The following SNX29 variants were observed in gnomAD, a reference collection of about 807,000 sequenced individuals.
SNX29 encodes sorting nexin 29.
Under a neutral mutation model 102.1 loss-of-function variants are expected in SNX29, and 78 were observed. That is an observed-to-expected ratio of 0.76 (90% confidence interval 0.64 to 0.92). The LOEUF is 0.92. Ranked by LOEUF, SNX29 falls within the 40% of genes least tolerant of loss-of-function variation. The pLI is 0.00. For synonymous variants in SNX29, 580 were observed against 414.5 expected (o/e 1.40, Z -4.85); for missense variants, 1,280 against 1,061.7 (o/e 1.21, Z -2.86).
At chr16:12,433,773 G>A (rs969765421) in intron 18 of SNX29, among the ~76,000 whole-genome samples, 1 of 152,138 alleles carries the variant, frequency 6.6e-6, no homozygotes, top group Non-Finnish European at 1.5e-5. Flanking sequence ...GCAGTGAGCT[G>A]AGATTGTGCC....
rs182389968 is a variant in SNX29 at position 12,464,539 on chromosome 16, C to T, written c.2038-13180C>T. On this transcript the variant is annotated intron_variant, in intron 18 of 20. Transcript: ENST00000566228. Reference sequence around the variant, plus strand: ...TGCGATCACAGCTCACTGCAGCCTCCACCTCCTGGGCTCAAGCGATCCTCC... The same window carrying T: ...TGCGATCACAGCTCACTGCAGCCTCTACCTCCTGGGCTCAAGCGATCCTCC... 1.7e-3 allele frequency among the ~76,000 whole-genome samples: 257 copies of T among 152,206 alleles called. 1 individual carries two copies. The highest frequency in any genetic ancestry group is 6.1e-3 in the African/African-American group (254 of 41,534).
intron 16 of SNX29, among the ~76,000 whole-genome samples, chr16:12,381,302 T>C (rs1256749987): frequency 1.0e-4 from 7 of 67,608 alleles, no homozygotes; most frequent in Non-Finnish European, 1.4e-4. Flanking sequence ...ACCCACCCAT[T>C]ATCCATCTAC....
rs2079244271 is a variant in SNX29 at position 12,574,145 on chromosome 16, AC to A, written c.*5517del. The A allele has an allele frequency of 2.2e-5, 4 of 182,580 alleles. No individual in the cohort carries two copies. The highest frequency in any genetic ancestry group is 1.3e-4 in the Admixed American group (2 of 15,980). The allele number at this position is 182,580 out of a possible 1,614,324, so 11.3% of individuals were successfully genotyped here. A position where few individuals can be genotyped will look rare whatever the true frequency, so the allele number is the denominator to read the frequency against. ...AAGGTTTACATAATAGGATTTTTAA[AC>A]AAATGTGTTTAATTTTTTAAGATCT... On this transcript the variant is annotated 3_prime_UTR_variant, in exon 21 of 21. Coordinates refer to ENST00000566228, the MANE Select transcript of SNX29 (RefSeq NM_032167.5).
chr16:12,351,578 C>T (rs780963578), intron 15 of SNX29, among the ~76,000 whole-genome samples: 7 of 152,074 alleles, frequency 4.6e-5, no homozygotes, highest in Non-Finnish European at 2.9e-5. Flanking sequence ...ATGCCAGAGG[C>T]GTTTTTGAAA....
At chr16:12,210,090 G>C (rs2077143572) in intron 14 of SNX29, among the ~76,000 whole-genome samples, 1 of 152,124 alleles carries the variant, frequency 6.6e-6, no homozygotes, top group African/African-American at 2.4e-5. Flanking sequence ...GGAACCCTCT[G>C]TCCAGCCCTC....
At chr16:12,003,745 G>A (rs2056367946) in intron 3 of SNX29, among the ~76,000 whole-genome samples, 1 of 152,202 alleles carries the variant, frequency 6.6e-6, no homozygotes, top group Non-Finnish European at 1.5e-5. Context: ...GGTGGCTCAT[G>A]CCAATAATCC....
intron 10 of SNX29, among the ~76,000 whole-genome samples, chr16:12,071,823 C>T (rs889075887): frequency 1.3e-5 from 2 of 152,072 alleles, no homozygotes; most frequent in East Asian, 1.9e-4. Flanking sequence ...TTCTTCCATT[C>T]GTTTGTATAC....
Position 12,380,784 on chromosome 16 carries a change from C to CCCGCCATCCAT in SNX29, c.1900-17660_1900-17659insGCCATCCATCC, listed in dbSNP as rs2083079685. ...CACCCACCCACCATCCATCCATCCA[C>CCCGCCATCCAT]CCATCCACCCACACACCATCCATCC... On this transcript the variant is annotated intron_variant, in intron 16 of 20. Coordinates refer to ENST00000566228, the MANE Select transcript of SNX29 (RefSeq NM_032167.5). Among the ~76,000 whole-genome samples, 2 of 60,132 alleles carry CCCGCCATCCAT rather than the reference C, an allele frequency of 3.3e-5. 1 individual carries two copies. The highest frequency in any genetic ancestry group is 8.1e-5 in the Non-Finnish European group (2 of 24,586). 39.4% of individuals were successfully genotyped at this position (60,132 alleles called of 152,430 possible).
At chr16:12,287,326 G>C (rs530747593) in intron 15 of SNX29, among the ~76,000 whole-genome samples, 10 of 152,298 alleles carry the variant, frequency 6.6e-5, no homozygotes, top group African/African-American at 2.4e-4. Context: ...CCCTAAGGAA[G>C]GTCTCTGAAG....
intron 18 of SNX29, among the ~76,000 whole-genome samples, chr16:12,438,212 C>T (rs963659044): frequency 4.6e-5 from 7 of 152,182 alleles, no homozygotes; most frequent in Admixed American, 3.9e-4. Flanking sequence ...GACTTGAAGG[C>T]AGCCACCAGT....
At chr16:12,536,097 A>G (rs772117872) in intron 20 of SNX29, among the ~76,000 whole-genome samples, 3 of 152,160 alleles carry the variant, frequency 2.0e-5, no homozygotes. Context: ...TTTTGCCTGG[A>G]CCAGAGAGAA....
intron 14 of SNX29, 51 bp downstream of exon 14, chr16:12,199,734 C>A: frequency 6.7e-7 from 1 of 1,491,202 alleles, no homozygotes; most frequent in Non-Finnish European, 9.3e-7. Context: ...TTTCCATTAA[C>A]ACCTGTACGT....
chr16:12,199,412 C>G (rs944692754), intron 13 of SNX29, among the ~76,000 whole-genome samples, 189 bp from the exon 14 acceptor site: 1 of 152,208 alleles, frequency 6.6e-6, no homozygotes, highest in Non-Finnish European at 1.5e-5. Flanking sequence ...TAAAGGCACT[C>G]TGCAGACATG....
intron 14 of SNX29, among the ~76,000 whole-genome samples, chr16:12,228,870 T>C (rs1378417644): frequency 1.3e-5 from 2 of 152,356 alleles, no homozygotes; most frequent in South Asian, 2.1e-4. Context: ...AGGGACTTCA[T>C]TGCAAAGCTG....
At chr16:12,019,591 T>TATAGATAGATAGATAG (rs538458322) in intron 3 of SNX29, among the ~76,000 whole-genome samples, 4 of 142,766 alleles carry the variant, frequency 2.8e-5, no homozygotes, top group Non-Finnish European at 6.0e-5. Context: ...AATATATATA[T>TATAGATAGATAGATAG]ATAGATAGAT....
chr16:12,107,974 G>A lies in SNX29; in HGVS notation c.1403-18659G>A, dbSNP rs1180434484. ...TTTTTAAGGCCAAAGATTGATTGAC[G>A]GTAGTGGAATGAGACTTCGAAATTT... On this transcript the variant is annotated intron_variant, in intron 11 of 20. Coordinates refer to ENST00000566228, the MANE Select transcript of SNX29 (RefSeq NM_032167.5). Among the ~76,000 whole-genome samples the A allele has an allele frequency of 9.9e-5, 15 of 152,112 alleles. No individual in the cohort carries two copies. The South Asian group carries it at 2.3e-3, about 23-fold the overall frequency.
intron 18 of SNX29, among the ~76,000 whole-genome samples, chr16:12,461,979 A>T (rs1443336471): frequency 7.2e-5 from 2 of 27,778 alleles, no homozygotes; most frequent in African/African-American, 1.8e-4. Context: ...AAAAAAAAAA[A>T]TATATATATA....
At chr16:12,141,901 A>G (rs1408841109) in intron 13 of SNX29, among the ~76,000 whole-genome samples, 2 of 152,180 alleles carry the variant, frequency 1.3e-5, no homozygotes, top group African/African-American at 2.4e-5. Context: ...GTGACTAGGA[A>G]TGCTTCACTT....
intron 20 of SNX29, among the ~76,000 whole-genome samples, chr16:12,565,753 G>C (rs191480787): frequency 1.3e-5 from 2 of 152,140 alleles, no homozygotes; most frequent in African/African-American, 2.4e-5. Flanking sequence ...CCATGGGCCT[G>C]CCACCTTCAC....
Sources: gnomAD v4.1 joint callset for allele counts (sites outside exome capture counted in the v4.1 genomes callset) on GRCh38, gnomAD v4.1.1 for gene constraint, MANE v1.5 for transcripts, NCBI Gene and HGNC (gene_info 2026-07-23, HGNC 2026-07-21) for gene names.